The following TEKTL1 variants were observed in gnomAD, a reference collection of about 807,000 sequenced individuals.
The protein encoded by TEKTL1 is tektin like 1.
the TEKTL1 span, chr19:15,023,134 C>A: frequency 6.4e-7 from 1 of 1,561,874 alleles, no homozygotes; most frequent in Admixed American, 1.9e-5. Context: ...CCCAGCGTCC[C>A]CCGCCCCAGC....
chr19:15,013,637 T>A, the TEKTL1 span: 1 of 1,514,812 alleles, frequency 6.6e-7, no homozygotes, highest in Non-Finnish European at 9.1e-7. Context: ...CAGCCCTTTC[T>A]TAACGATGTG....
At chr19:15,022,146 C>T in the TEKTL1 span, among the ~76,000 whole-genome samples, 2 of 152,118 alleles carry the variant, frequency 1.3e-5, no homozygotes, top group South Asian at 2.1e-4. Flanking sequence ...CCTGTCCTCC[C>T]CCCTCACACA....
At chr19:15,020,582 A>G in the TEKTL1 span, 1 of 1,613,804 alleles carries the variant, frequency 6.2e-7, no homozygotes, top group African/African-American at 1.3e-5. Context: ...TCATGGGTGA[A>G]CCTCTCCCGA....
the TEKTL1 span, among the ~76,000 whole-genome samples, chr19:15,014,784 A>G: frequency 6.7e-6 from 1 of 149,820 alleles, no homozygotes; most frequent in Admixed American, 6.7e-5. Context: ...GGAATACTGC[A>G]TATCTTCTGG....
the TEKTL1 span, chr19:15,022,735 C>A: frequency 1.3e-3 from 642 of 489,926 alleles, no homozygotes; most frequent in Middle Eastern, 2.4e-3. Flanking sequence ...TTTTTTTTTT[C>A]CAGGCACACC....
chr19:15,016,805 A>C, the TEKTL1 span, among the ~76,000 whole-genome samples: 3 of 152,206 alleles, frequency 2.0e-5, no homozygotes, highest in Non-Finnish European at 4.4e-5. Flanking sequence ...CATGGAAACA[A>C]CGAGAAATGA....
At chr19:15,021,332 G>A in the TEKTL1 span, 2 of 1,610,836 alleles carry the variant, frequency 1.2e-6, no homozygotes, top group Admixed American at 1.7e-5. Flanking sequence ...GCACCCCCAC[G>A]CGCATCCTGG....
chr19:15,011,734 C>CAA, the TEKTL1 span, among the ~76,000 whole-genome samples: 19,703 of 121,410 alleles, frequency 0.16, 1,596 homozygotes, highest in East Asian at 0.2. Flanking sequence ...AACTCCATCT[C>CAA]AAAAAAAAAA....
At chr19:15,011,299 C>T in the TEKTL1 span, 1 of 1,523,198 alleles carries the variant, frequency 6.6e-7, no homozygotes, top group Non-Finnish European at 8.8e-7. Flanking sequence ...TGCGCCAGCG[C>T]GAGGTCACCG....
chr19:15,010,740 A>T, the TEKTL1 span: 1 of 1,388,694 alleles, frequency 7.2e-7, no homozygotes, highest in Non-Finnish European at 9.5e-7. Flanking sequence ...CACTGTCTCT[A>T]CAGGCCAGGA....
At chr19:15,022,726 T>TG in the TEKTL1 span, 62 of 816,134 alleles carry the variant, frequency 7.6e-5, 1 homozygote, top group Middle Eastern at 1.0e-3. Flanking sequence ...GTCGCGGTTT[T>TG]TTTTTTTTCC....
the TEKTL1 span, chr19:15,011,070 G>A: frequency 1.3e-6 from 2 of 1,574,818 alleles, no homozygotes; most frequent in Non-Finnish European, 8.6e-7. Context: ...AAAGGCGGCG[G>A]CACCTTGGAG....
At chr19:15,020,356 G>T in the TEKTL1 span, 2 of 927,996 alleles carry the variant, frequency 2.2e-6, no homozygotes, top group Non-Finnish European at 3.2e-6. Context: ...AGGTAGAAAT[G>T]CTTTACAGCC....
chr19:15,011,048 G>T, the TEKTL1 span: 34 of 1,577,960 alleles, frequency 2.2e-5, 1 homozygote, highest in South Asian at 3.7e-4. Context: ...GCGCTTCCGC[G>T]TGGAGATGAT....
chr19:15,016,203 T>C, the TEKTL1 span, among the ~76,000 whole-genome samples: 2 of 144,044 alleles, frequency 1.4e-5, no homozygotes, highest in Non-Finnish European at 3.0e-5. Context: ...TTTTTTTTTT[T>C]TTTTTTGAGT....
chr19:15,011,488 C>T, the TEKTL1 span: 65 of 1,152,398 alleles, frequency 5.6e-5, no homozygotes, highest in Non-Finnish European at 2.3e-6. Flanking sequence ...CCTTTCCATA[C>T]TTTGGGAGGC....
At chr19:15,011,722 A>G in the TEKTL1 span, among the ~76,000 whole-genome samples, 48,951 of 147,922 alleles carry the variant, frequency 0.33, 8,255 homozygotes, top group Non-Finnish European at 0.36. Context: ...CAACAAGAGC[A>G]AAACTCCATC....
the TEKTL1 span, chr19:15,023,137 G>T: frequency 6.4e-7 from 1 of 1,557,476 alleles, no homozygotes. Flanking sequence ...AGCGTCCCCC[G>T]CCCCAGCCAG....
the TEKTL1 span, among the ~76,000 whole-genome samples, chr19:15,014,915 G>A: frequency 1.2e-4 from 18 of 152,264 alleles, no homozygotes; most frequent in East Asian, 2.3e-3. Context: ...AGAGGGAAAT[G>A]GATCATGCCC....
Sources: allele counts gnomAD v4.1 joint callset (sites outside exome capture counted in the v4.1 genomes callset), GRCh38; gene constraint gnomAD v4.1.1; transcripts MANE v1.5; gene names NCBI Gene and HGNC (gene_info 2026-07-23, HGNC 2026-07-21).